The following SESTD1 variants were observed in gnomAD, a reference collection of about 807,000 sequenced individuals.
The protein encoded by SESTD1 is SEC14 and spectrin domain containing 1.
Under a neutral mutation model 101.7 loss-of-function variants are expected in SESTD1, and 43 were observed. The observed-to-expected ratio is 0.42, with a 90% CI of 0.33 to 0.55. SESTD1 has a LOEUF of 0.55. Ranked by LOEUF, SESTD1 falls within the 20% of genes least tolerant of loss-of-function variation. The pLI is 0.07. For missense variants in SESTD1, 647 were observed against 815.1 expected, an observed-to-expected ratio of 0.79 and a Z score of 2.51; for synonymous variants, 283 against 286.8, an observed-to-expected ratio of 0.99 and a Z score of 0.13.
intron 1 of SESTD1, among the ~76,000 whole-genome samples, chr2:179,195,011 T>C (rs577510316): frequency 6.6e-6 from 1 of 152,252 alleles, no homozygotes; most frequent in East Asian, 1.9e-4. Flanking sequence ...GGAACAGAGC[T>C]ACAGAGAAAG....
chr2:179,239,842 C>T (rs2047124233), intron 1 of SESTD1, among the ~76,000 whole-genome samples: 1 of 152,186 alleles, frequency 6.6e-6, no homozygotes, highest in Non-Finnish European at 1.5e-5. Flanking sequence ...AGTAGATGCT[C>T]CACAATCAGT....
At chr2:179,175,891 T>C (rs370662733) in intron 4 of SESTD1, among the ~76,000 whole-genome samples, 1 of 152,226 alleles carries the variant, frequency 6.6e-6, no homozygotes, top group African/African-American at 2.4e-5. Context: ...GTTTATTAAA[T>C]GTTAATTTGT....
intron 1 of SESTD1, among the ~76,000 whole-genome samples, chr2:179,254,075 G>C (rs2105557555): frequency 6.6e-6 from 1 of 152,034 alleles, no homozygotes; most frequent in Non-Finnish European, 1.5e-5. Context: ...ACTTCAGCCT[G>C]GGTGGCAGAG....
At chr2:179,170,898 G>C (rs1175045350) in intron 5 of SESTD1, among the ~76,000 whole-genome samples, 1 of 152,190 alleles carries the variant, frequency 6.6e-6, no homozygotes, top group African/African-American at 2.4e-5. Flanking sequence ...GATCATTCTA[G>C]ACCTTGCACT....
chr2:179,235,262 T>TA (rs2047050190), intron 1 of SESTD1, among the ~76,000 whole-genome samples: 1 of 152,170 alleles, frequency 6.6e-6, no homozygotes, highest in South Asian at 2.1e-4. Flanking sequence ...ATTTAGGGGC[T>TA]AAGGGGCATA....
chr2:179,231,375 A>G (rs2046985026), intron 1 of SESTD1, among the ~76,000 whole-genome samples: 1 of 152,222 alleles, frequency 6.6e-6, no homozygotes, highest in Non-Finnish European at 1.5e-5. Flanking sequence ...ATAGCAATAG[A>G]TAAGAATTAT....
chr2:179,174,322 C>A, intron 4 of SESTD1: 1 of 394,802 alleles, frequency 2.5e-6, no homozygotes, highest in Non-Finnish European at 5.1e-6. Flanking sequence ...AAAATGTTAA[C>A]TATTAATAAA....
chr2:179,150,919 T>C (rs1039597441), intron 6 of SESTD1, among the ~76,000 whole-genome samples: 10 of 152,244 alleles, frequency 6.6e-5, no homozygotes, highest in African/African-American at 1.4e-4. Context: ...CTAAAACTTA[T>C]ACAGTGCCAC....
chr2:179,248,566 T>C (rs1414037313), intron 1 of SESTD1, among the ~76,000 whole-genome samples: 3 of 152,188 alleles, frequency 2.0e-5, no homozygotes, highest in East Asian at 1.9e-4. Context: ...GGCAAGTTGA[T>C]TGAATATTAG....
At chr2:179,145,856 C>T (rs745837535) in intron 8 of SESTD1, among the ~76,000 whole-genome samples, 7 of 152,106 alleles carry the variant, frequency 4.6e-5, no homozygotes, top group Non-Finnish European at 8.8e-5. Context: ...TACATAAACA[C>T]AATGTCTGGC....
At chr2:179,152,882 T>C (rs369664279) in intron 5 of SESTD1, among the ~76,000 whole-genome samples, 2 of 151,748 alleles carry the variant, frequency 1.3e-5, no homozygotes, top group African/African-American at 4.8e-5. Flanking sequence ...AAAGACAGAA[T>C]AAGTCCAAAG....
At chr2:179,225,963 TA>T (rs1233849493) in intron 1 of SESTD1, among the ~76,000 whole-genome samples, 1 of 152,158 alleles carries the variant, frequency 6.6e-6, no homozygotes, top group Non-Finnish European at 1.5e-5. Context: ...AGAATATGCA[TA>T]AAACAGGATT....
chr2:179,198,715 T>A (rs1022188604), intron 1 of SESTD1, among the ~76,000 whole-genome samples: 4 of 151,714 alleles, frequency 2.6e-5, no homozygotes, highest in Admixed American at 6.6e-5. Context: ...ACTGGGTACA[T>A]AACGAAATGA....
chr2:179,126,604 G>A (rs2044880145), intron 10 of SESTD1, among the ~76,000 whole-genome samples: 1 of 151,944 alleles, frequency 6.6e-6, no homozygotes, highest in Non-Finnish European at 1.5e-5. Context: ...ATATCTATAG[G>A]CTAAGAACTA....
rs554425737 is a variant in SESTD1 at position 179,145,938 on chromosome 2, ATAAAT to A, written c.637+459_637+463del. On this transcript the variant is annotated intron_variant, in intron 8 of 17. Transcript: ENST00000428443. Reference sequence around the variant, plus strand: ...AATTTTCATCTTCATTTTATAGATAATAAATTAAATCCAAATTAAGAGAGAGATTA... The same window carrying A: ...AATTTTCATCTTCATTTTATAGATAATAAATCCAAATTAAGAGAGAGATTA... Among the ~76,000 whole-genome samples the A allele has an allele frequency of 3.0e-3, 458 of 152,292 alleles. 5 individuals are homozygous for A. The highest frequency in any genetic ancestry group is 0.011 in the African/African-American group (441 of 41,570).
chr2:179,214,161 C>T lies in SESTD1; in HGVS notation c.-25-22295G>A, dbSNP rs562574935. On this transcript the variant is annotated intron_variant, in intron 1 of 17. Transcript: ENST00000428443. ...ACCTTAAATGTAAATGGGCTAAATGCTCCAATTAAAAGACACAGACTGGCA... is the reference window on the plus strand; with the variant it reads ...ACCTTAAATGTAAATGGGCTAAATGTTCCAATTAAAAGACACAGACTGGCA... 2.2e-5 allele frequency among the ~76,000 whole-genome samples: 3 copies of T among 134,526 alleles called. 1 individual carries two copies. In the South Asian group the frequency reaches 8.6e-4, roughly 38 times the overall value. The allele number at this position is 134,526 out of a possible 152,430, so 88.3% of individuals were successfully genotyped here. A position where few individuals can be genotyped will look rare whatever the true frequency, so the allele number is the denominator to read the frequency against.
chr2:179,227,824 C>T (rs1419085527), intron 1 of SESTD1, among the ~76,000 whole-genome samples: 1 of 152,052 alleles, frequency 6.6e-6, no homozygotes, highest in African/African-American at 2.4e-5. Context: ...AGGCTAGCAC[C>T]AGGCTGAACT....
At chr2:179,129,115 G>A (rs1231179474) in intron 10 of SESTD1, among the ~76,000 whole-genome samples, 1 of 152,228 alleles carries the variant, frequency 6.6e-6, no homozygotes, top group Non-Finnish European at 1.5e-5. Context: ...CACATTAGGA[G>A]AAATGAGTCT....
chr2:179,183,227 A>G, intron 2 of SESTD1, 39 bp from the exon 3 acceptor site: 8 of 1,265,746 alleles, frequency 6.3e-6, no homozygotes, highest in Non-Finnish European at 8.0e-6. Flanking sequence ...TGTAATACAT[A>G]TTAAGGCATA....
Sources: gnomAD v4.1 joint callset for allele counts (sites outside exome capture counted in the v4.1 genomes callset) on GRCh38, gnomAD v4.1.1 for gene constraint, MANE v1.5 for transcripts, NCBI Gene and HGNC (gene_info 2026-07-23, HGNC 2026-07-21) for gene names.